The following PCDHA4 variants were observed in gnomAD, a reference collection of about 807,000 sequenced individuals.
PCDHA4 encodes protocadherin alpha-4.
Under a neutral mutation model 61.4 loss-of-function variants are expected in PCDHA4, and 49 were observed. The observed-to-expected ratio is 0.80, with a 90% CI of 0.63 to 1.01. The LOEUF (loss-of-function observed/expected upper bound fraction) is 1.01, where lower values mean the gene tolerates loss of function less well. PCDHA4 is among the 50% of genes least tolerant of loss of function. The pLI is 0.00. For missense variants in PCDHA4, 1,254 were observed against 1,235.8 expected, an observed-to-expected ratio of 1.01 and a Z score of -0.22; for synonymous variants, 590 against 550.3, an observed-to-expected ratio of 1.07 and a Z score of -1.01.
chr5:140,884,319 C>T lies in PCDHA4; in HGVS notation c.2385+74747C>T. ...CCACAGGCTTCGTCGAGGGCGTCGG[C>T]AGGCGCTGTGGGTCCAGAAGCGGCG... On this transcript the variant is annotated intron_variant, in intron 1 of 3. Transcript: ENST00000530339. 6.2e-7 allele frequency: 1 copy of T among 1,613,800 alleles called. No homozygotes were observed. The highest frequency in any genetic ancestry group is 8.5e-7 in the Non-Finnish European group (1 of 1,179,860).
intron 1 of PCDHA4, chr5:140,843,096 C>A (rs2150352451): frequency 1.9e-6 from 3 of 1,595,484 alleles, no homozygotes; most frequent in Non-Finnish European, 2.6e-6. Context: ...CACGTGGTAG[C>A]GAAGGTGCGC....
intron 1 of PCDHA4, chr5:140,869,664 G>T: frequency 6.2e-7 from 1 of 1,613,474 alleles, no homozygotes; most frequent in Non-Finnish European, 8.5e-7. Flanking sequence ...CAAATGGTAA[G>T]CAGATTAAAA....
chr5:141,006,275 G>A (rs782763386), intron 3 of PCDHA4, among the ~76,000 whole-genome samples: 1 of 151,772 alleles, frequency 6.6e-6, no homozygotes. Flanking sequence ...GCAGTGGCAC[G>A]ATCTCAGCTC....
At chr5:140,816,032 G>A (rs1005229860) in intron 1 of PCDHA4, 2 of 152,120 alleles carry the variant, frequency 1.3e-5, no homozygotes, top group Non-Finnish European at 2.9e-5. Context: ...GGATCTTGAT[G>A]TCCATTTCCT....
intron 1 of PCDHA4, among the ~76,000 whole-genome samples, chr5:140,873,896 G>T (rs111760299): frequency 6.6e-6 from 1 of 152,112 alleles, no homozygotes; most frequent in African/African-American, 2.4e-5. Context: ...CCTGACCTCA[G>T]GTGATCTGCC....
intron 1 of PCDHA4, among the ~76,000 whole-genome samples, chr5:140,943,311 T>C (rs1281237979): frequency 1.3e-5 from 2 of 150,340 alleles, no homozygotes. Flanking sequence ...AAGTCATTAT[T>C]AGCAATATTG....
chr5:140,927,656 T>C (rs782201050), intron 1 of PCDHA4: 4 of 1,613,938 alleles, frequency 2.5e-6, no homozygotes, highest in Non-Finnish European at 3.4e-6. Flanking sequence ...TTATTCCGAG[T>C]TCAAGCCTTG....
chr5:140,916,732 C>A (rs2077701110), intron 1 of PCDHA4, among the ~76,000 whole-genome samples: 1 of 152,178 alleles, frequency 6.6e-6, no homozygotes, highest in South Asian at 2.1e-4. Flanking sequence ...TTTGTTGCTG[C>A]AAGCTTCACT....
intron 1 of PCDHA4, chr5:140,850,767 G>A: frequency 1.3e-6 from 2 of 1,598,126 alleles, no homozygotes; most frequent in Admixed American, 1.7e-5. Flanking sequence ...GAGGCAGAGG[G>A]TGTGCTCTGG....
chr5:140,831,511 GC>G (rs1191627812), intron 1 of PCDHA4, among the ~76,000 whole-genome samples: 5 of 130,898 alleles, frequency 3.8e-5, no homozygotes, highest in East Asian at 2.2e-4. Flanking sequence ...GCACCACCAT[GC>G]CCCCCACCTT....
chr5:140,832,477 ACT>A (rs1371663743), intron 1 of PCDHA4, among the ~76,000 whole-genome samples: 3 of 152,182 alleles, frequency 2.0e-5, no homozygotes, highest in African/African-American at 4.8e-5. Context: ...AAAAAAACTA[ACT>A]CTACATACTT....
chr5:140,830,283 C>T (rs2150184279), intron 1 of PCDHA4: 10 of 1,613,762 alleles, frequency 6.2e-6, no homozygotes, highest in South Asian at 4.4e-5. Flanking sequence ...ACCGAGGGCG[C>T]GTGCACGGCG....
intron 1 of PCDHA4, chr5:140,928,717 T>C: frequency 6.2e-7 from 1 of 1,614,208 alleles, no homozygotes; most frequent in Non-Finnish European, 8.5e-7. Context: ...CTCTAGTCTC[T>C]TTAGAATTTC....
chr5:140,993,460 TCTCA>T (rs200310897), intron 3 of PCDHA4, among the ~76,000 whole-genome samples: 2,027 of 104,544 alleles, frequency 0.019, 23 homozygotes, highest in Admixed American at 0.035. Flanking sequence ...CTTCTTTCTT[TCTCA>T]CACACACACA....
chr5:140,967,217 C>T, intron 1 of PCDHA4: 1 of 1,613,682 alleles, frequency 6.2e-7, no homozygotes, highest in Non-Finnish European at 8.5e-7. Flanking sequence ...TTTCCCGCGG[C>T]CCAACTACCA....
intron 1 of PCDHA4, chr5:140,824,143 T>C (rs2150132574): frequency 3.1e-6 from 5 of 1,612,198 alleles, no homozygotes; most frequent in Non-Finnish European, 1.7e-6. Context: ...TTTTCTAATA[T>C]TAACATCCAT....
intron 1 of PCDHA4, among the ~76,000 whole-genome samples, chr5:140,906,853 T>C (rs576448914): frequency 1.3e-5 from 2 of 152,170 alleles, no homozygotes; most frequent in Non-Finnish European, 2.9e-5. Flanking sequence ...AGAGTCTGGG[T>C]CAGTCACCCC....
At chr5:141,005,220 C>T (rs2098201724) in intron 3 of PCDHA4, among the ~76,000 whole-genome samples, 1 of 152,192 alleles carries the variant, frequency 6.6e-6, no homozygotes, top group Admixed American at 6.5e-5. Flanking sequence ...CAAGTATTTA[C>T]TAAACACCTG....
chr5:140,920,137 T>C (rs182001221), intron 1 of PCDHA4, among the ~76,000 whole-genome samples: 29 of 152,242 alleles, frequency 1.9e-4, no homozygotes, highest in Admixed American at 1.8e-3. Flanking sequence ...TTAATTCTCC[T>C]CTCCAAACCT....
Sources: allele counts gnomAD v4.1 joint callset (sites outside exome capture counted in the v4.1 genomes callset), GRCh38; gene constraint gnomAD v4.1.1; transcripts MANE v1.5; gene names NCBI Gene and HGNC (gene_info 2026-07-23, HGNC 2026-07-21).